The following SPAG16 variants were observed in gnomAD, a reference collection of about 807,000 sequenced individuals.
The protein encoded by SPAG16 is sperm-associated antigen 16 protein.
Under a neutral mutation model 80.4 loss-of-function variants are expected in SPAG16, and 86 were observed. The ratio of observed to expected loss-of-function variants is 1.07; its 90% CI spans 0.90 to 1.28. SPAG16 has a LOEUF of 1.28. Ranked by LOEUF, SPAG16 falls within the 50% of genes most tolerant of loss-of-function variation. The pLI is 0.00. For missense variants in SPAG16, 870 were observed against 765.3 expected (o/e 1.14, Z -1.61); for synonymous variants, 294 against 265.9 (o/e 1.11, Z -1.03).
intron 14 of SPAG16, among the ~76,000 whole-genome samples, chr2:214,112,637 T>G (rs770875782): frequency 6.2e-4 from 47 of 76,414 alleles, no homozygotes; most frequent in Admixed American, 2.1e-3. Flanking sequence ...TTGCAACCCC[T>G]GCTTTTTTTT....
chr2:213,688,054 T>C (rs888622615), intron 10 of SPAG16, among the ~76,000 whole-genome samples: 5 of 152,162 alleles, frequency 3.3e-5, no homozygotes, highest in Non-Finnish European at 7.3e-5. Context: ...ATCAAATACA[T>C]TTGAGAAATA....
intron 10 of SPAG16, among the ~76,000 whole-genome samples, chr2:213,675,208 C>T (rs2064000123): frequency 6.6e-6 from 1 of 152,148 alleles, no homozygotes; most frequent in South Asian, 2.1e-4. Context: ...TGTTCATGTC[C>T]TTCGCCCACT....
chr2:214,377,746 T>C (rs1415149372), intron 15 of SPAG16, among the ~76,000 whole-genome samples: 2 of 152,180 alleles, frequency 1.3e-5, no homozygotes, highest in Admixed American at 6.5e-5. Flanking sequence ...CCATACTTGA[T>C]ATTAGCAGTG....
chr2:213,293,003 A>G (rs1405077053), intron 1 of SPAG16, among the ~76,000 whole-genome samples: 5 of 152,164 alleles, frequency 3.3e-5, no homozygotes, highest in Non-Finnish European at 5.9e-5. Context: ...TCCCCACCCT[A>G]ATCTCACCTT....
At chr2:213,854,914 TA>T (rs2075079566) in intron 10 of SPAG16, among the ~76,000 whole-genome samples, 1 of 152,252 alleles carries the variant, frequency 6.6e-6, no homozygotes, top group Admixed American at 6.5e-5. Flanking sequence ...AACACATCCT[TA>T]ATCATTCGTT....
intron 15 of SPAG16, among the ~76,000 whole-genome samples, chr2:214,304,049 C>T (rs1181977689): frequency 2.0e-5 from 3 of 152,082 alleles, no homozygotes; most frequent in South Asian, 2.1e-4. Context: ...GTTTTGTTCC[C>T]CTCTATATGT....
chr2:214,373,643 T>A (rs1455014081), intron 15 of SPAG16, among the ~76,000 whole-genome samples: 1 of 152,122 alleles, frequency 6.6e-6, no homozygotes, highest in East Asian at 1.9e-4. Flanking sequence ...ATTTAAAAGC[T>A]CTTTCAATGA....
At chr2:214,344,154 G>A (rs1464431640) in intron 15 of SPAG16, among the ~76,000 whole-genome samples, 1 of 152,092 alleles carries the variant, frequency 6.6e-6, no homozygotes, top group Non-Finnish European at 1.5e-5. Flanking sequence ...GGAAAAAGGA[G>A]GTATGTGTAG....
intron 13 of SPAG16, among the ~76,000 whole-genome samples, chr2:214,078,924 G>A (rs1167993421): frequency 6.6e-6 from 1 of 152,160 alleles, no homozygotes; most frequent in Non-Finnish European, 1.5e-5. Context: ...AGGTAAAGTA[G>A]GGAAGATACT....
chr2:213,387,891 G>A (rs1363251232), intron 9 of SPAG16, among the ~76,000 whole-genome samples: 1 of 152,078 alleles, frequency 6.6e-6, no homozygotes, highest in Non-Finnish European at 1.5e-5. Context: ...ATATTATAAA[G>A]ATCTAGTAAG....
intron 9 of SPAG16, among the ~76,000 whole-genome samples, chr2:213,430,589 G>C (rs1021115521): frequency 6.6e-5 from 10 of 152,228 alleles, no homozygotes; most frequent in Non-Finnish European, 1.3e-4. Flanking sequence ...CTGACATAAA[G>C]TGACTGAACT....
Position 213,364,023 on chromosome 2 carries a change from T to C in SPAG16, c.763-53T>C. 2.4e-6 allele frequency: 2 copies of C among 844,856 alleles called. 1 individual carries two copies. The highest frequency in any genetic ancestry group is 7.4e-4 in the Middle Eastern group (2 of 2,700). The allele number at this position is 844,856 out of a possible 1,614,324, so 52.3% of individuals were successfully genotyped here. ...TTTAAATATTGTGTTTTATGTAACC[T>C]TTTTAAAAGTCATTTAGTGTATAAT... is the stretch of plus-strand genomic sequence containing the variant. On this transcript the variant is annotated intron_variant, in intron 7 of 15. Coordinates refer to ENST00000331683, the MANE Select transcript of SPAG16 (RefSeq NM_024532.5).
At chr2:213,769,484 C>A (rs1447665047) in intron 10 of SPAG16, among the ~76,000 whole-genome samples, 1 of 152,088 alleles carries the variant, frequency 6.6e-6, no homozygotes, top group East Asian at 1.9e-4. Flanking sequence ...GGTGGTATAC[C>A]AGAGTCAGAA....
At position 213,601,405 on chromosome 2, in the gene SPAG16, G is replaced by A. The variant is rs183927864; in HGVS notation, c.1070+111315G>A. 5.3e-5 allele frequency among the ~76,000 whole-genome samples: 8 copies of A among 152,230 alleles called. No homozygotes were observed. In the East Asian group the frequency reaches 1.4e-3, roughly 26 times the overall value. On this transcript the variant is annotated intron_variant, in intron 10 of 15. Coordinates refer to ENST00000331683, the MANE Select transcript of SPAG16 (RefSeq NM_024532.5). ...ATCAGTTTCTGAGCCCTAACATTGT[G>A]TACATGCATGTATATGTGTGTTTAC...
intron 10 of SPAG16, among the ~76,000 whole-genome samples, chr2:213,590,736 T>A (rs1370432453): frequency 6.6e-6 from 1 of 152,120 alleles, no homozygotes; most frequent in Non-Finnish European, 1.5e-5. Flanking sequence ...GTGAAAGCAG[T>A]TTGGAGATTT....
At chr2:213,915,830 G>C (rs1014353895) in intron 11 of SPAG16, among the ~76,000 whole-genome samples, 8 of 152,084 alleles carry the variant, frequency 5.3e-5, no homozygotes, top group Non-Finnish European at 1.0e-4. Flanking sequence ...GCATGAGATG[G>C]TATCTCATAG....
chr2:214,393,974 A>C (rs1248698710), intron 15 of SPAG16, among the ~76,000 whole-genome samples: 1 of 152,200 alleles, frequency 6.6e-6, no homozygotes, highest in African/African-American at 2.4e-5. Flanking sequence ...TGGTGGAGCA[A>C]TTATCTGGTG....
Position 213,816,134 on chromosome 2 carries a change from C to T in SPAG16, c.1071-46351C>T, listed in dbSNP as rs17756040. 5.2e-3 allele frequency among the ~76,000 whole-genome samples: 792 copies of T among 152,216 alleles called. 3 individuals are homozygous for T. The highest frequency in any genetic ancestry group is 9.1e-3 in the Non-Finnish European group (619 of 67,970). On this transcript the variant is annotated intron_variant, in intron 10 of 15. Coordinates refer to ENST00000331683, the MANE Select transcript of SPAG16 (RefSeq NM_024532.5). ...CTACCAACTCCCCATATCAAAGGTTCCTGCTGTTTTTGAAACTTTCATAAA... is the reference window on the plus strand; with the variant it reads ...CTACCAACTCCCCATATCAAAGGTTTCTGCTGTTTTTGAAACTTTCATAAA...
chr2:214,334,895 T>C (rs2126018446), intron 15 of SPAG16, among the ~76,000 whole-genome samples: 1 of 152,342 alleles, frequency 6.6e-6, no homozygotes, highest in South Asian at 2.1e-4. Context: ...AGATCCACAA[T>C]CTCATTTTAA....
Sources: allele counts gnomAD v4.1 joint callset (sites outside exome capture counted in the v4.1 genomes callset), GRCh38; gene constraint gnomAD v4.1.1; transcripts MANE v1.5; gene names NCBI Gene and HGNC (gene_info 2026-07-23, HGNC 2026-07-21).